DAGLA: variants seen among roughly 807,000 people sequenced by gnomAD.
DAGLA encodes the protein diacylglycerol lipase-alpha.
A neutral mutation model predicts 102.6 loss-of-function variants in DAGLA; 22 were observed. The observed-to-expected ratio is 0.21, with a 90% CI of 0.15 to 0.31. The LOEUF (loss-of-function observed/expected upper bound fraction) is 0.31, where lower values mean the gene tolerates loss of function less well. Ranked by LOEUF, DAGLA falls within the 10% of genes least tolerant of loss-of-function variation. DAGLA has a pLI of 1.00. For synonymous variants in DAGLA, 578 were observed against 628.9 expected (o/e 0.92, Z 1.21); for missense variants, 927 against 1,446.6 (o/e 0.64, Z 5.83).
At chr11:61,724,443 CAG>C (rs2065307886) in intron 5 of DAGLA, among the ~76,000 whole-genome samples, 1 of 152,174 alleles carries the variant, frequency 6.6e-6, no homozygotes, top group African/African-American at 2.4e-5. Context: ...ATCCAAGTCC[CAG>C]AGAGGGCAGG....
At chr11:61,740,096 T>TC (rs2065463984) in intron 17 of DAGLA, among the ~76,000 whole-genome samples, 3 of 152,136 alleles carry the variant, frequency 2.0e-5, no homozygotes, top group Admixed American at 2.0e-4. Flanking sequence ...AGCAGGCAAG[T>TC]GGGTAGACCT....
At chr11:61,697,573 G>A (rs2065077097) in intron 1 of DAGLA, among the ~76,000 whole-genome samples, 1 of 152,180 alleles carries the variant, frequency 6.6e-6, no homozygotes, top group East Asian at 1.9e-4. Flanking sequence ...TGTGGCCTGG[G>A]GCAGCTGTCT....
At chr11:61,732,012 C>T (rs2065379303) in intron 9 of DAGLA, among the ~76,000 whole-genome samples, 1 of 152,214 alleles carries the variant, frequency 6.6e-6, no homozygotes, top group East Asian at 1.9e-4. Context: ...GCCTTAGCCC[C>T]AGACCTGGCC....
chr11:61,708,453 G>A (rs576625524), intron 1 of DAGLA, among the ~76,000 whole-genome samples: 47 of 151,728 alleles, frequency 3.1e-4, no homozygotes, highest in South Asian at 2.1e-4. Flanking sequence ...TGATTTCGGC[G>A]CACTGCAAGC....
intron 1 of DAGLA, among the ~76,000 whole-genome samples, chr11:61,682,174 C>CA (rs1337953490): frequency 6.6e-6 from 1 of 152,154 alleles, no homozygotes. Flanking sequence ...TGACCTTCAG[C>CA]AGGTGACTTC....
intron 16 of DAGLA, among the ~76,000 whole-genome samples, chr11:61,739,059 C>A (rs1025292117): frequency 6.6e-6 from 1 of 152,182 alleles, no homozygotes; most frequent in Non-Finnish European, 1.5e-5. Flanking sequence ...GGGCTTTTGT[C>A]AGGCCAGGCC....
Position 61,714,055 on chromosome 11 carries a change from A to G in DAGLA, c.-44-6057A>G, listed in dbSNP as rs116623888. On this transcript the variant is annotated intron_variant, in intron 1 of 19. Transcript: ENST00000257215. ...GAAAAAGAGCCCTTACAAACTTGCC[A>G]GTTTCCACATTTACTTTGGCAACCA... Among the ~76,000 whole-genome samples the G allele has an allele frequency of 7.4e-3, 1,130 of 152,338 alleles. 20 individuals carry two copies. Among genetic ancestry groups the G allele is most frequent in the African/African-American group, 0.026 (1,088 of 41,584 alleles).
intron 1 of DAGLA, among the ~76,000 whole-genome samples, chr11:61,717,472 C>T (rs1044293762): frequency 3.9e-5 from 6 of 152,188 alleles, no homozygotes; most frequent in East Asian, 1.9e-4. Flanking sequence ...CCCTCCGCCT[C>T]GCCCGCCCCA....
In DAGLA at chr11:61,743,943, C is replaced by G; in HGVS notation, c.2583C>G (p.Gly861=). 6.2e-7 allele frequency: 1 copy of G among 1,611,990 alleles called. No homozygotes were observed. The highest frequency in any genetic ancestry group is 8.5e-7 in the Non-Finnish European group (1 of 1,179,712). The part of the protein sequence containing the change: ...QDTQPLEAAL[G]SGGVTPERPP... ...CGCAGCCCCTGGAGGCGGCCCTGGG[C>G]AGTGGCGGCGTCACTCCTGAGCGGC... The change falls in exon 20 of 20, where the codon GGC becomes GGG. Residue 861 remains glycine, a synonymous_variant. Coordinates refer to ENST00000257215, the MANE Select transcript of DAGLA (RefSeq NM_006133.3).
chr11:61,737,054 T>C, intron 13 of DAGLA, 128 bp from the exon 14 acceptor site: 1 of 1,309,646 alleles, frequency 7.6e-7, no homozygotes, highest in Middle Eastern at 1.9e-4. Flanking sequence ...TGCCCTAGCA[T>C]TCACACAGCA....
chr11:61,710,644 CAG>C (rs1007265421), intron 1 of DAGLA, among the ~76,000 whole-genome samples: 13 of 152,016 alleles, frequency 8.6e-5, no homozygotes, highest in Admixed American at 7.2e-4. Flanking sequence ...GAAGGCAAGT[CAG>C]AGGATTATGC....
chr11:61,739,052 C>G (rs1271719733), intron 16 of DAGLA, among the ~76,000 whole-genome samples: 1 of 152,198 alleles, frequency 6.6e-6, no homozygotes, highest in Admixed American at 6.5e-5. Flanking sequence ...TAGTCCTGGG[C>G]TTTTGTCAGG....
intron 9 of DAGLA, among the ~76,000 whole-genome samples, chr11:61,732,970 C>T (rs1311641917): frequency 6.6e-6 from 1 of 152,250 alleles, no homozygotes; most frequent in East Asian, 1.9e-4. Flanking sequence ...GCTGGCCCTG[C>T]TCCCCTGACT....
At chr11:61,681,126 T>G (rs939303269) in intron 1 of DAGLA, among the ~76,000 whole-genome samples, 1 of 152,050 alleles carries the variant, frequency 6.6e-6, no homozygotes, top group Admixed American at 6.5e-5. Flanking sequence ...CCCATCCTGA[T>G]GAATGGGAAG....
At chr11:61,735,435 TG>T in intron 10 of DAGLA, 125 bp from the exon 11 acceptor site, 1 of 812,028 alleles carries the variant, frequency 1.2e-6, no homozygotes, top group Non-Finnish European at 2.0e-6. Context: ...TCAGCCTTTC[TG>T]GCGGCAGAGG....
In DAGLA at chr11:61,686,363, G is replaced by A. The variant is rs989672841; in HGVS notation, c.-45+5859G>A. 2.0e-5 allele frequency among the ~76,000 whole-genome samples: 3 copies of A among 152,122 alleles called. No individual in the cohort carries two copies. Among genetic ancestry groups the A allele is most frequent in the Non-Finnish European group, 4.4e-5 (3 of 68,010 alleles). On this transcript the variant is annotated intron_variant, in intron 1 of 19. Transcript: ENST00000257215. This position sits in a 1 kb window ranked among gnomAD's most constrained non-coding sequence, Gnocchi z 5.2. ...ACGGCAGGCTTTCAGGGCTGCCCTC[G>A]AGGCCGTTCCCATCCCTGAGGACCC... is the stretch of plus-strand genomic sequence containing the variant.
At chr11:61,724,461 T>C in intron 5 of DAGLA, among the ~76,000 whole-genome samples, 1 of 152,194 alleles carries the variant, frequency 6.6e-6, no homozygotes, top group African/African-American at 2.4e-5. Flanking sequence ...GCAGGTCACC[T>C]GCCGTGGGTC....
chr11:61,697,696 T>C (rs188287801), intron 1 of DAGLA, among the ~76,000 whole-genome samples: 351 of 152,250 alleles, frequency 2.3e-3, no homozygotes, highest in African/African-American at 8.2e-3. Context: ...TTTTTTTATT[T>C]TTTAGACAGG....
chr11:61,695,040 C>G (rs961688797), intron 1 of DAGLA, among the ~76,000 whole-genome samples: 2 of 152,226 alleles, frequency 1.3e-5, no homozygotes, highest in Non-Finnish European at 2.9e-5. Flanking sequence ...CGGGCCCTCT[C>G]TGTGTACTCG....
Sources: allele counts gnomAD v4.1 joint callset (sites outside exome capture counted in the v4.1 genomes callset), GRCh38; gene constraint gnomAD v4.1.1; non-coding constraint Gnocchi (gnomAD v3.1); transcripts MANE v1.5; gene names NCBI Gene and HGNC (gene_info 2026-07-23, HGNC 2026-07-21).